Variants in IFNLR1 observed in about 807,000 individuals in gnomAD.
The protein encoded by IFNLR1 is interferon lambda receptor 1.
IFNLR1 carries 28 observed loss-of-function variants against 52.5 expected under a neutral mutation model. That is an observed-to-expected ratio of 0.53 (90% confidence interval 0.40 to 0.73). The LOEUF (loss-of-function observed/expected upper bound fraction) is 0.73. IFNLR1 is among the 30% of genes least tolerant of loss of function. IFNLR1 has a pLI of 0.00. For synonymous variants in IFNLR1, 276 were observed against 274.9 expected, an observed-to-expected ratio of 1.00 and a Z score of -0.04; for missense variants, 623 against 659.1, an observed-to-expected ratio of 0.95 and a Z score of 0.60.
chr1:24,185,354 A>T (rs1308571763), intron 1 of IFNLR1, among the ~76,000 whole-genome samples: 1 of 152,160 alleles, frequency 6.6e-6, no homozygotes, highest in Non-Finnish European at 1.5e-5. Flanking sequence ...GTCAAACAAG[A>T]TCTGTTGACC....
At chr1:24,187,150 G>A (rs935086757) in intron 1 of IFNLR1, 41 bp downstream of exon 1, 4 of 1,298,668 alleles carry the variant, frequency 3.1e-6, no homozygotes, top group Non-Finnish European at 4.0e-6. Flanking sequence ...CCGGCCCGGG[G>A]AGCCCTCTTC....
At chr1:24,163,874 C>T (rs1420833532) in intron 3 of IFNLR1, among the ~76,000 whole-genome samples, 3 of 152,036 alleles carry the variant, frequency 2.0e-5, no homozygotes, top group Non-Finnish European at 4.4e-5. Context: ...CTGGGATTAC[C>T]CAACCCACAT....
In IFNLR1 at chr1:24,156,772, C is replaced by G. The variant is rs1482828207; in HGVS notation, c.*358G>C. 2 of 226,134 alleles carry G rather than the reference C, an allele frequency of 8.8e-6. No individual in the cohort carries two copies. Among genetic ancestry groups the G allele is most frequent in the Non-Finnish European group, 1.7e-5 (2 of 117,316 alleles). 14.0% of individuals were successfully genotyped at this position (226,134 alleles called of 1,614,324 possible). A position where few individuals can be genotyped will look rare whatever the true frequency, so the allele number is the denominator to read the frequency against. On this transcript the variant is annotated 3_prime_UTR_variant, in exon 7 of 7. Transcript: ENST00000327535. ...TTCCAGAGGGCCCCTTGGTGGTGTC[C>G]GCCCTTGATGTCCGCAGTGACCTGA...
In IFNLR1 at chr1:24,157,447, G is replaced by A. The variant is rs1644393232; in HGVS notation, c.1246C>T (p.Pro416Ser). ...GATTCTTGGTGCCCATCCCCACCCG[G>A]CCCTTGGCCTGGCCCCTTCTCAGCC... ...YLAEKGPGQG[P>S]GGDGHQESLP... is the part of the protein sequence containing the mutation. Residue 416 changes from proline to serine, a missense_variant, in exon 7 of 7, where the codon CCG becomes TCG. By Grantham distance (74) the Pro-to-Ser change is moderately conservative (BLOSUM62 -1). Coordinates refer to ENST00000327535, the MANE Select transcript of IFNLR1 (RefSeq NM_170743.4). This position sits in a 1 kb window ranked among gnomAD's most constrained non-coding sequence, Gnocchi z 5.1. 6 of 1,614,134 alleles carry A rather than the reference G, an allele frequency of 3.7e-6. No individual in the cohort carries two copies. The highest frequency in any genetic ancestry group is 5.1e-6 in the Non-Finnish European group (6 of 1,179,992).
chr1:24,165,611 C>T (rs1644511196), intron 3 of IFNLR1, among the ~76,000 whole-genome samples: 1 of 152,194 alleles, frequency 6.6e-6, no homozygotes, highest in South Asian at 2.1e-4. Context: ...ACTAAATACA[C>T]CACCTTTCAA....
In IFNLR1 at chr1:24,157,153, A is replaced by G. The variant is rs59631801; in HGVS notation, c.1540T>C (p.Leu514=). 13,997 of 1,612,476 alleles carry G rather than the reference A, an allele frequency of 8.7e-3. 643 individuals carry two copies. The African/African-American group carries it at 0.12, about 14-fold the overall frequency. Residue 514 remains leucine (L), a synonymous_variant, in exon 7 of 7, where the codon TTG becomes CTG. Coordinates refer to ENST00000327535, the MANE Select transcript of IFNLR1 (RefSeq NM_170743.4). The surrounding 1 kb of genome is among the most constrained non-coding windows in gnomAD (Gnocchi z 5.1). ...TQRTEDRGRT[L]GHYMAR ...GCTCACCTGGCCATGTAATGCCCCA[A>G]TGTCCGGCCCCTGTCCTCGGTCCTC...
chr1:24,165,752 A>G lies in IFNLR1; in HGVS notation c.367+3665T>C, dbSNP rs551306983. Among the ~76,000 whole-genome samples, 15 of 152,284 alleles carry G rather than the reference A, an allele frequency of 9.9e-5. No homozygotes were observed. In the South Asian group the frequency reaches 3.1e-3, roughly 32 times the overall value. ...AAACATGTGGCTTCTTCATGATGTC[A>G]TTACTTACATGTTTAGGAAACATCC... On this transcript the variant is annotated intron_variant, in intron 3 of 6. Transcript: ENST00000327535.
intron 3 of IFNLR1, among the ~76,000 whole-genome samples, chr1:24,166,341 A>G (rs772839978): frequency 1.3e-5 from 2 of 151,008 alleles, no homozygotes; most frequent in Admixed American, 6.6e-5. Flanking sequence ...CTTCTAACCT[A>G]CTCATCCATT....
Position 24,157,224 on chromosome 1 carries a change from T to G in IFNLR1, c.1469A>C (p.Glu490Ala). Residue 490 changes from glutamate (E) to alanine (A), a missense_variant, in exon 7 of 7, where the codon GAA becomes GCA. Transcript: ENST00000327535. This position sits in a 1 kb window ranked among gnomAD's most constrained non-coding sequence, Gnocchi z 5.1. ...PEEEEEARES[E>A]IEDSDAGSWG... ...GCTGCCCGCATCGCTGTCCTCAATT[T>G]CTGATTCCCTCGCCTCCTCTTCCTC... 1 of 1,614,198 alleles carries G rather than the reference T, an allele frequency of 6.2e-7. No homozygotes were observed. The highest frequency in any genetic ancestry group is 8.5e-7 in the Non-Finnish European group (1 of 1,180,018).
intron 2 of IFNLR1, among the ~76,000 whole-genome samples, chr1:24,171,920 T>G (rs1644583404): frequency 6.6e-6 from 1 of 152,128 alleles, no homozygotes; most frequent in Non-Finnish European, 1.5e-5. Flanking sequence ...CCTCCCAAAG[T>G]GCTGGTATTA....
intron 3 of IFNLR1, among the ~76,000 whole-genome samples, chr1:24,162,422 C>T (rs1336782184): frequency 1.3e-5 from 2 of 152,188 alleles, no homozygotes; most frequent in African/African-American, 4.8e-5. Context: ...TTTAAAGGCT[C>T]ATGGGATTAG....
In IFNLR1 at chr1:24,156,423, C is replaced by G. The variant is rs1327933008; in HGVS notation, c.*707G>C. 1 of 152,508 alleles carries G rather than the reference C, an allele frequency of 6.6e-6. No individual in the cohort carries two copies. The highest frequency in any genetic ancestry group is 1.5e-5 in the Non-Finnish European group (1 of 68,288). The allele number at this position is 152,508 out of a possible 1,614,324, so 9.4% of individuals were successfully genotyped here. A position where few individuals can be genotyped will look rare whatever the true frequency, so the allele number is the denominator to read the frequency against. ...ATCTGAGATCCCCTAGAACCCTCACCACACCCAGGCGTAGCTGCAGATGAG... is the reference window on the plus strand; with the variant it reads ...ATCTGAGATCCCCTAGAACCCTCACGACACCCAGGCGTAGCTGCAGATGAG... On this transcript the variant is annotated 3_prime_UTR_variant, in exon 7 of 7. Coordinates refer to ENST00000327535, the MANE Select transcript of IFNLR1 (RefSeq NM_170743.4).
chr1:24,165,351 C>T (rs573386716), intron 3 of IFNLR1, among the ~76,000 whole-genome samples: 1 of 152,320 alleles, frequency 6.6e-6, no homozygotes, highest in East Asian at 1.9e-4. Context: ...CTCAAGTTTT[C>T]AATTACACGT....
intron 2 of IFNLR1, among the ~76,000 whole-genome samples, chr1:24,171,128 C>T (rs1644574101): frequency 6.6e-6 from 1 of 152,150 alleles, no homozygotes; most frequent in Admixed American, 6.6e-5. Context: ...CTTATGTGTG[C>T]CTACTAAACA....
intron 5 of IFNLR1, 143 bp from the exon 6 acceptor site, chr1:24,159,325 G>T: frequency 8.0e-7 from 1 of 1,248,460 alleles, no homozygotes; most frequent in Non-Finnish European, 1.1e-6. Context: ...CCAAGGTTTG[G>T]GGCATTATGT....
At chr1:24,176,984 CAA>C (rs1011341629) in intron 2 of IFNLR1, among the ~76,000 whole-genome samples, 5 of 152,018 alleles carry the variant, frequency 3.3e-5, no homozygotes, top group Non-Finnish European at 5.9e-5. Context: ...AAAATCAAAA[CAA>C]GAGAATAGAA....
intron 2 of IFNLR1, among the ~76,000 whole-genome samples, chr1:24,171,387 A>C (rs540486165): frequency 1.3e-3 from 194 of 152,382 alleles, no homozygotes; most frequent in African/African-American, 4.4e-3. Context: ...ATTCTTAAGA[A>C]ATTTTAAAGA....
chr1:24,176,673 T>C (rs10903043), intron 2 of IFNLR1, among the ~76,000 whole-genome samples: 152,006 of 152,376 alleles, frequency 1, 75,819 homozygotes, highest in South Asian at 1. Context: ...CATGGAAGCA[T>C]ACAGTTTTTT....
intron 2 of IFNLR1, among the ~76,000 whole-genome samples, chr1:24,169,824 C>G (rs1557648313): frequency 6.6e-6 from 1 of 152,222 alleles, no homozygotes; most frequent in East Asian, 1.9e-4. Context: ...CTGTCCCTCC[C>G]TAGCTTTGGG....
Sources: allele counts gnomAD v4.1 joint callset (sites outside exome capture counted in the v4.1 genomes callset), GRCh38; gene constraint gnomAD v4.1.1; non-coding constraint Gnocchi (gnomAD v3.1); transcripts MANE v1.5; gene names NCBI Gene and HGNC (gene_info 2026-07-23, HGNC 2026-07-21).